DSCAML1: variants seen among roughly 807,000 people sequenced by gnomAD.
The protein encoded by DSCAML1 is DS cell adhesion molecule like 1, also known as cell adhesion molecule DSCAML1.
A neutral mutation model predicts 200.5 loss-of-function variants in DSCAML1; 38 were observed. The observed-to-expected ratio is 0.19, with a 90% confidence interval of 0.15 to 0.25. The LOEUF (loss-of-function observed/expected upper bound fraction) is 0.25, where lower values mean the gene tolerates loss of function less well. Among genes scored for constraint, DSCAML1 ranks in the 10% least tolerant of loss-of-function variants. The probability of loss-of-function intolerance (pLI) is 1.00; values close to 1 mark genes in which losing one functional copy is unlikely to be tolerated. For synonymous variants in DSCAML1, 1,215 were observed against 1,165.0 expected (o/e 1.04, Z -0.87); for missense variants, 2,223 against 2,858.8 (o/e 0.78, Z 5.07).
At chr11:117,693,040 G>C (rs2053526095) in intron 3 of DSCAML1, among the ~76,000 whole-genome samples, 1 of 152,162 alleles carries the variant, frequency 6.6e-6, no homozygotes, top group Admixed American at 6.5e-5. Context: ...ACTGGAGCCT[G>C]GGCTCTGATG....
intron 14 of DSCAML1, among the ~76,000 whole-genome samples, chr11:117,475,440 T>C (rs2048771216): frequency 6.6e-6 from 1 of 152,204 alleles, no homozygotes; most frequent in African/African-American, 2.4e-5. Flanking sequence ...CTTATCTTTC[T>C]CTATTCTTCT....
In DSCAML1 at chr11:117,465,042, G is replaced by T. The variant is rs1440201093; in HGVS notation, c.3165C>A (p.Asn1055Lys). 1.2e-6 allele frequency: 2 copies of T among 1,614,150 alleles called. No individual in the cohort carries two copies. The highest frequency in any genetic ancestry group is 8.5e-7 in the Non-Finnish European group (1 of 1,180,000). ...CCCCATACTGGGCGAACTTCTTGAG[G>T]TTGTCCAGGGTGTAGACCTCGCTGT... Reference protein sequence around the residue: ...TGDSEVYTLDNLKKFAQYGVV... With the variant: ...TGDSEVYTLDKLKKFAQYGVV... Residue 1055 changes from asparagine to lysine, a missense_variant, in exon 17 of 33, where the codon AAC becomes AAA. Coordinates refer to ENST00000651296, the MANE Select transcript of DSCAML1 (RefSeq NM_020693.4).
chr11:117,532,275 AGGGGG>A, intron 4 of DSCAML1, 96 bp downstream of exon 4: 1 of 1,210,648 alleles, frequency 8.3e-7, no homozygotes, highest in Non-Finnish European at 1.2e-6. Context: ...CTGAGTACAC[AGGGGG>A]CTCCTCCATC....
At chr11:117,566,712 A>AC (rs2050764083) in intron 3 of DSCAML1, among the ~76,000 whole-genome samples, 1 of 149,362 alleles carries the variant, frequency 6.7e-6, no homozygotes, top group African/African-American at 2.5e-5. Context: ...ATATCTCCCA[A>AC]TGCTATCCCT....
At chr11:117,575,607 T>C (rs2078276855) in intron 3 of DSCAML1, among the ~76,000 whole-genome samples, 1 of 152,172 alleles carries the variant, frequency 6.6e-6, no homozygotes, top group Admixed American at 6.5e-5. Flanking sequence ...ACTAAGATGT[T>C]GTAAGTCAGG....
intron 3 of DSCAML1, among the ~76,000 whole-genome samples, chr11:117,667,681 A>G (rs2053007054): frequency 6.6e-6 from 1 of 152,324 alleles, no homozygotes; most frequent in South Asian, 2.1e-4. Flanking sequence ...AAGTGCCTCA[A>G]AAGCCACCTC....
chr11:117,477,290 C>T (rs928668535), intron 14 of DSCAML1, among the ~76,000 whole-genome samples: 2 of 149,800 alleles, frequency 1.3e-5, no homozygotes, highest in African/African-American at 2.5e-5. Context: ...TCAGTTCTCA[C>T]CTAATACAGT....
intron 3 of DSCAML1, among the ~76,000 whole-genome samples, chr11:117,691,603 A>G (rs1433074509): frequency 1.3e-5 from 2 of 152,158 alleles, no homozygotes; most frequent in Non-Finnish European, 2.9e-5. Flanking sequence ...CACTCACCAT[A>G]GCTGAAATAT....
intron 19 of DSCAML1, 47 bp downstream of exon 19, chr11:117,458,707 C>T (rs1331174422): frequency 6.3e-7 from 1 of 1,599,240 alleles, no homozygotes; most frequent in Non-Finnish European, 8.5e-7. Context: ...TGGGGGTTAG[C>T]AGTGGGTGGC....
intron 3 of DSCAML1, among the ~76,000 whole-genome samples, chr11:117,543,800 A>AG (rs547356039): frequency 0.067 from 2,367 of 35,326 alleles, 36 homozygotes; most frequent in East Asian, 0.19. Context: ...CTTATAGGGC[A>AG]GTTTTTTTTT....
chr11:117,523,867 C>T (rs1320480322), intron 5 of DSCAML1, among the ~76,000 whole-genome samples: 1 of 152,230 alleles, frequency 6.6e-6, no homozygotes, highest in Non-Finnish European at 1.5e-5. Flanking sequence ...ATGACAGCCT[C>T]ATTCCTGTCT....
chr11:117,512,655 C>CGT (rs1565753659), intron 8 of DSCAML1, among the ~76,000 whole-genome samples: 12 of 105,172 alleles, frequency 1.1e-4, no homozygotes, highest in South Asian at 9.8e-4. Flanking sequence ...CACACACACA[C>CGT]ACACACACAC....
At chr11:117,435,272 T>C (rs886280830) in intron 27 of DSCAML1, among the ~76,000 whole-genome samples, 4 of 152,232 alleles carry the variant, frequency 2.6e-5, no homozygotes, top group Non-Finnish European at 5.9e-5. Flanking sequence ...CTTTAGTGAA[T>C]GGGTCCTAGG....
chr11:117,569,413 GTAGAGATGGGATTTTTGTATTTCA>G (rs1204664938), intron 3 of DSCAML1, among the ~76,000 whole-genome samples: 1 of 152,188 alleles, frequency 6.6e-6, no homozygotes, highest in Non-Finnish European at 1.5e-5. Context: ...CCTTGTTTTT[GTAGAGATGGGATTTTTGTATTTCA>G]TAGAGATGGG....
chr11:117,639,768 G>A (rs1289641441), intron 3 of DSCAML1, among the ~76,000 whole-genome samples: 1 of 152,120 alleles, frequency 6.6e-6, no homozygotes, highest in East Asian at 1.9e-4. Context: ...CAGTATGAGA[G>A]AACTGGTAGT....
At chr11:117,685,034 C>A (rs764821093) in intron 3 of DSCAML1, among the ~76,000 whole-genome samples, 2 of 152,240 alleles carry the variant, frequency 1.3e-5, no homozygotes, top group Non-Finnish European at 2.9e-5. Flanking sequence ...AGGCCTGAGG[C>A]CCAAGGGCAG....
At chr11:117,735,246 C>G (rs368247740) in intron 3 of DSCAML1, among the ~76,000 whole-genome samples, 2 of 152,328 alleles carry the variant, frequency 1.3e-5, no homozygotes, top group Admixed American at 6.5e-5. Context: ...GAATTTGAAG[C>G]CCAGGAACGC....
At chr11:117,798,527 G>A (rs1451446727), upstream of DSCAML1, among the ~76,000 whole-genome samples, 4 of 151,994 alleles carry the variant, frequency 2.6e-5, no homozygotes, top group African/African-American at 2.4e-5. Context: ...ATACATTCAC[G>A]ATGTGCAACC....
intron 3 of DSCAML1, among the ~76,000 whole-genome samples, chr11:117,597,356 G>A (rs1258603501): frequency 6.6e-6 from 1 of 152,186 alleles, no homozygotes; most frequent in Non-Finnish European, 1.5e-5. Context: ...CTGGGGGGCA[G>A]GTGTGTGGGA....
Sources: gnomAD v4.1 joint callset for allele counts (sites outside exome capture counted in the v4.1 genomes callset) on GRCh38, gnomAD v4.1.1 for gene constraint, MANE v1.5 for transcripts, NCBI Gene and HGNC (gene_info 2026-07-23, HGNC 2026-07-21) for gene names.